Variants in ARB2A observed in about 807,000 individuals in gnomAD.
ARB2A encodes the protein ARB2 cotranscriptional regulator A.
chr5:93,635,463 T>G, the ARB2A span, among the ~76,000 whole-genome samples: 1 of 150,146 alleles, frequency 6.7e-6, no homozygotes, highest in East Asian at 1.9e-4. Flanking sequence ...ACGAAAGTTT[T>G]TTTTTTTTTT....
the ARB2A span, among the ~76,000 whole-genome samples, chr5:94,105,126 A>G: frequency 6.6e-6 from 1 of 152,228 alleles, no homozygotes; most frequent in African/African-American, 2.4e-5. Context: ...TCAACATAGT[A>G]CTGGAAATTT....
the ARB2A span, among the ~76,000 whole-genome samples, chr5:93,624,824 C>T: frequency 3.0e-4 from 46 of 152,186 alleles, no homozygotes; most frequent in Middle Eastern, 3.4e-3. Flanking sequence ...AGCAGCTATT[C>T]ATGTAGTTGA....
the ARB2A span, among the ~76,000 whole-genome samples, chr5:94,079,993 A>G: frequency 6.6e-6 from 1 of 152,198 alleles, no homozygotes; most frequent in Non-Finnish European, 1.5e-5. Flanking sequence ...AATATCTGTG[A>G]CAATGTTAAA....
chr5:93,887,212 G>A, the ARB2A span, among the ~76,000 whole-genome samples: 2 of 150,538 alleles, frequency 1.3e-5, no homozygotes, highest in South Asian at 4.2e-4. Flanking sequence ...GATGAGAGAC[G>A]GCCCAAGCAA....
At chr5:93,698,615 G>A in the ARB2A span, among the ~76,000 whole-genome samples, 12 of 152,194 alleles carry the variant, frequency 7.9e-5, no homozygotes, top group South Asian at 2.3e-3. Context: ...GCAAAGAAGT[G>A]GAAATAACTC....
At chr5:94,050,876 GA>G in the ARB2A span, 15 of 1,281,312 alleles carry the variant, frequency 1.2e-5, no homozygotes, top group Non-Finnish European at 1.6e-5. Flanking sequence ...AAAGTATATT[GA>G]CAATAATATA....
the ARB2A span, among the ~76,000 whole-genome samples, chr5:93,841,920 A>G: frequency 6.6e-6 from 1 of 152,160 alleles, no homozygotes; most frequent in Non-Finnish European, 1.5e-5. Context: ...TGAAAGTTCA[A>G]TGTGTCGTTT....
At chr5:94,061,622 A>G in the ARB2A span, among the ~76,000 whole-genome samples, 1 of 152,240 alleles carries the variant, frequency 6.6e-6, no homozygotes, top group Non-Finnish European at 1.5e-5. Flanking sequence ...ATATCAACAC[A>G]CAAAACTTAA....
the ARB2A span, among the ~76,000 whole-genome samples, chr5:93,982,119 C>T: frequency 6.6e-6 from 1 of 152,018 alleles, no homozygotes; most frequent in African/African-American, 2.4e-5. Context: ...AGTAATCTTC[C>T]CTTCAATATT....
the ARB2A span, among the ~76,000 whole-genome samples, chr5:93,991,511 T>A: frequency 6.6e-6 from 1 of 151,710 alleles, no homozygotes; most frequent in East Asian, 1.9e-4. Flanking sequence ...ACAAGAATAT[T>A]AAGCCACCTA....
chr5:93,935,115 C>T, the ARB2A span, among the ~76,000 whole-genome samples: 3 of 152,058 alleles, frequency 2.0e-5, no homozygotes, highest in African/African-American at 4.8e-5. Context: ...GGATAAAAGA[C>T]TACACATTGG....
chr5:93,836,067 G>A, the ARB2A span, among the ~76,000 whole-genome samples: 3,216 of 151,992 alleles, frequency 0.021, 130 homozygotes, highest in East Asian at 0.16. Flanking sequence ...TCGCTCTGTC[G>A]CCCAGGCTGG....
At chr5:94,099,805 A>G in the ARB2A span, among the ~76,000 whole-genome samples, 1 of 152,024 alleles carries the variant, frequency 6.6e-6, no homozygotes, top group Non-Finnish European at 1.5e-5. Flanking sequence ...AAAATAAGAG[A>G]TATCTATGAG....
the ARB2A span, among the ~76,000 whole-genome samples, chr5:93,947,855 T>C: frequency 4.6e-5 from 7 of 150,986 alleles, no homozygotes; most frequent in African/African-American, 1.7e-4. Flanking sequence ...CTCATCATTT[T>C]TTATGGCTGC....
At chr5:93,625,348 A>C in the ARB2A span, among the ~76,000 whole-genome samples, 1 of 152,184 alleles carries the variant, frequency 6.6e-6, no homozygotes, top group African/African-American at 2.4e-5. Context: ...AATAGTAGCT[A>C]ATCAAAGGTC....
chr5:93,897,828 A>C, the ARB2A span, among the ~76,000 whole-genome samples: 1 of 146,736 alleles, frequency 6.8e-6, no homozygotes, highest in Non-Finnish European at 1.5e-5. Context: ...TTATAGGGTC[A>C]AAAAAAAAAG....
At chr5:93,746,451 T>C in the ARB2A span, among the ~76,000 whole-genome samples, 1 of 152,214 alleles carries the variant, frequency 6.6e-6, no homozygotes, top group African/African-American at 2.4e-5. Context: ...TGTAGTAGTG[T>C]TGCTAAAATA....
chr5:94,030,008 A>AG, the ARB2A span, among the ~76,000 whole-genome samples: 2 of 152,180 alleles, frequency 1.3e-5, no homozygotes, highest in Admixed American at 6.5e-5. Context: ...GAGTTTGTGC[A>AG]GGGAAACTCC....
the ARB2A span, among the ~76,000 whole-genome samples, chr5:93,977,712 A>G: frequency 6.6e-6 from 1 of 152,180 alleles, no homozygotes; most frequent in Non-Finnish European, 1.5e-5. Flanking sequence ...CTAAGCAAAG[A>G]ATTTATGACA....
Sources: gnomAD v4.1 joint callset for allele counts (sites outside exome capture counted in the v4.1 genomes callset) on GRCh38, gnomAD v4.1.1 for gene constraint, MANE v1.5 for transcripts, NCBI Gene and HGNC (gene_info 2026-07-23, HGNC 2026-07-21) for gene names.